COL4A4: variants seen among roughly 807,000 people sequenced by gnomAD.
The protein encoded by COL4A4 is collagen type IV alpha 4 chain, also known as collagen alpha-4(IV) chain.
COL4A4 carries 105 observed loss-of-function variants against 192.9 expected under a neutral mutation model. That is an observed-to-expected ratio of 0.54 (90% CI 0.46 to 0.64). The LOEUF (loss-of-function observed/expected upper bound fraction) is 0.64. COL4A4 is among the 30% of genes least tolerant of loss of function. COL4A4 has a pLI of 0.00. For synonymous variants in COL4A4, 762 were observed against 769.9 expected (o/e 0.99, Z 0.17); for missense variants, 1,967 against 2,169.3 (o/e 0.91, Z 1.85).
intron 26 of COL4A4, among the ~76,000 whole-genome samples, chr2:227,062,193 C>T (rs572329810): frequency 4.0e-5 from 6 of 150,184 alleles, no homozygotes; most frequent in Non-Finnish European, 5.9e-5. Context: ...GCTGAGATCA[C>T]ACCACTACAC....
intron 47 of COL4A4, 138 bp from the exon 48 acceptor site, chr2:227,007,726 G>A: frequency 8.0e-7 from 1 of 1,243,888 alleles, no homozygotes; most frequent in South Asian, 1.4e-5. Context: ...TACAAGCGCT[G>A]AAAAGGAGTC....
Position 227,109,475 on chromosome 2 carries a change from A to G in COL4A4, c.595-189T>C, listed in dbSNP as rs6436655. 468,166 of 702,442 alleles carry G rather than the reference A, an allele frequency of 0.67. 159,007 individuals are homozygous for G. Among genetic ancestry groups the G allele is most frequent in the African/African-American group, 0.93 (53,243 of 57,210 alleles). The allele number at this position is 702,442 out of a possible 1,614,324, so 43.5% of individuals were successfully genotyped here. A position where few individuals can be genotyped will look rare whatever the true frequency, so the allele number is the denominator to read the frequency against. ...TAAAAGGGCACCAAGCAGTCCGGGC[A>G]CGGTGGTTCACACCTGTAATCCCAG... On this transcript the variant is annotated intron_variant, in intron 9 of 47. Coordinates refer to ENST00000396625, the MANE Select transcript of COL4A4 (RefSeq NM_000092.5).
chr2:226,978,302 C>G, the COL4A4 span, among the ~76,000 whole-genome samples: 2 of 152,146 alleles, frequency 1.3e-5, no homozygotes, highest in Non-Finnish European at 2.9e-5. Flanking sequence ...TTCCTATAGC[C>G]TGCTAGCCCC....
At chr2:226,988,637 A>T in the COL4A4 span, 12 of 1,328,218 alleles carry the variant, frequency 9.0e-6, no homozygotes, top group Non-Finnish European at 1.2e-5. Flanking sequence ...TTGGCCCTGG[A>T]GCTTCTGAGA....
At chr2:227,012,054 G>A (rs1206507509) in intron 45 of COL4A4, 127 bp downstream of exon 45, 1 of 759,290 alleles carries the variant, frequency 1.3e-6, no homozygotes, top group South Asian at 1.4e-5. Flanking sequence ...GATACCTGGT[G>A]AGTCAGCATC....
rs997308932 is a variant in COL4A4, at chr2:227,003,574, T to C, written c.*3751A>G. On this transcript the variant is annotated 3_prime_UTR_variant, in exon 48 of 48. Coordinates refer to ENST00000396625, the MANE Select transcript of COL4A4 (RefSeq NM_000092.5). ...TCTAATATAATTTCCTGGAACACAC[T>C]GAATGGTTTGCTTTACTGTAATCTA... The C allele has an allele frequency of 6.6e-6, 1 of 151,952 alleles. No homozygotes were observed. Among genetic ancestry groups the C allele is most frequent in the African/African-American group, 2.4e-5 (1 of 41,330 alleles). The allele number at this position is 151,952 out of a possible 1,614,324, so 9.4% of individuals were successfully genotyped here.
intron 26 of COL4A4, among the ~76,000 whole-genome samples, chr2:227,061,193 A>C (rs1393084225): frequency 6.6e-6 from 1 of 152,046 alleles, no homozygotes; most frequent in Non-Finnish European, 1.5e-5. Flanking sequence ...TTTTTTATCC[A>C]CCCATGACCA....
At position 227,033,662 on chromosome 2, in the gene COL4A4, G is replaced by A. The variant is rs183272163; in HGVS notation, c.3506-181C>T. Among the ~76,000 whole-genome samples the A allele has an allele frequency of 1.5e-3, 228 of 152,260 alleles. 2 individuals are homozygous for A. Among genetic ancestry groups the A allele is most frequent in the African/African-American group, 4.8e-3 (199 of 41,542 alleles). On this transcript the variant is annotated intron_variant, in intron 37 of 47. Transcript: ENST00000396625. ...CCAGGACTATTTAACACATTCATCCGGTAAAGATTTTCTGCCAAGACAGCT... is the reference window on the plus strand; with the variant it reads ...CCAGGACTATTTAACACATTCATCCAGTAAAGATTTTCTGCCAAGACAGCT...
At chr2:227,021,327 C>T (rs942206446) in intron 44 of COL4A4, among the ~76,000 whole-genome samples, 5 of 152,118 alleles carry the variant, frequency 3.3e-5, no homozygotes, top group Non-Finnish European at 7.3e-5. Context: ...TTCCCCATCC[C>T]TCCTCTAACA....
At chr2:227,041,421 T>C (rs566638418) in intron 37 of COL4A4, among the ~76,000 whole-genome samples, 1 of 151,654 alleles carries the variant, frequency 6.6e-6, no homozygotes, top group East Asian at 2.0e-4. Context: ...GGGTGGATCA[T>C]TTGAGGTCAG....
At chr2:227,018,148 C>T (rs1360581422) in intron 44 of COL4A4, among the ~76,000 whole-genome samples, 1 of 152,166 alleles carries the variant, frequency 6.6e-6, no homozygotes, top group Non-Finnish European at 1.5e-5. Context: ...TCAAATACCA[C>T]CTCTTGCTGG....
the COL4A4 span, among the ~76,000 whole-genome samples, chr2:226,976,361 G>A: frequency 7.4e-4 from 112 of 150,888 alleles, no homozygotes; most frequent in African/African-American, 2.5e-3. Flanking sequence ...AGTCCAAGTC[G>A]AGACGTCTGC....
At chr2:227,055,447 A>G (rs1576170235) in intron 30 of COL4A4, among the ~76,000 whole-genome samples, 2 of 152,102 alleles carry the variant, frequency 1.3e-5, no homozygotes, top group East Asian at 3.9e-4. Flanking sequence ...GTGAGCTATG[A>G]TCCTGCCACT....
the COL4A4 span, among the ~76,000 whole-genome samples, chr2:226,986,093 C>G: frequency 9.3e-4 from 142 of 152,356 alleles, 1 homozygote; most frequent in African/African-American, 3.2e-3. Flanking sequence ...TAACCCCAGT[C>G]TAACCATGAG....
the COL4A4 span, chr2:226,988,480 G>C: frequency 6.5e-7 from 1 of 1,543,712 alleles, no homozygotes; most frequent in Non-Finnish European, 8.7e-7. Context: ...TCCCTGTAGT[G>C]GAGTTGAGCA....
the COL4A4 span, among the ~76,000 whole-genome samples, chr2:226,990,542 C>T: frequency 6.6e-6 from 1 of 152,178 alleles, no homozygotes; most frequent in South Asian, 2.1e-4. Context: ...AATCAAACAT[C>T]TCTATTTACA....
chr2:227,092,757 A>T (rs1224916966), intron 20 of COL4A4, among the ~76,000 whole-genome samples: 2 of 152,204 alleles, frequency 1.3e-5, no homozygotes, highest in Non-Finnish European at 2.9e-5. Flanking sequence ...AACTCTGAAT[A>T]TTTATGGAAG....
chr2:227,014,993 G>C lies in COL4A4; in HGVS notation c.4217-2696C>G, dbSNP rs541999422. 1.1e-4 allele frequency among the ~76,000 whole-genome samples: 17 copies of C among 150,440 alleles called. No homozygotes were observed. The East Asian group carries it at 3.4e-3, about 30-fold the overall frequency. ...AGCTCACTGCAACCTCCGCCTCTCAGGTTCAAGTGATTCTCCTGCCTCAGC... is the reference window on the plus strand; with the variant it reads ...AGCTCACTGCAACCTCCGCCTCTCACGTTCAAGTGATTCTCCTGCCTCAGC... On this transcript the variant is annotated intron_variant, in intron 44 of 47. Coordinates refer to ENST00000396625, the MANE Select transcript of COL4A4 (RefSeq NM_000092.5).
chr2:227,047,676 C>A (rs1973169650), intron 34 of COL4A4, 127 bp from the exon 35 acceptor site: 4 of 635,028 alleles, frequency 6.3e-6, no homozygotes, highest in Non-Finnish European at 8.6e-6. Context: ...TTTTTAAATA[C>A]TTTTATTCTA....
Sources: allele counts gnomAD v4.1 joint callset (sites outside exome capture counted in the v4.1 genomes callset), GRCh38; gene constraint gnomAD v4.1.1; transcripts MANE v1.5; gene names NCBI Gene and HGNC (gene_info 2026-07-23, HGNC 2026-07-21).